The following NSRP1 variants were observed in gnomAD, a reference collection of about 807,000 sequenced individuals.
NSRP1 encodes coiled-coil domain containing 55.
Under a neutral mutation model 54.7 loss-of-function variants are expected in NSRP1, and 24 were observed. That is an observed-to-expected ratio of 0.44 (90% CI 0.32 to 0.62). The LOEUF (loss-of-function observed/expected upper bound fraction) is 0.62. Among genes scored for constraint, NSRP1 ranks in the 20% least tolerant of loss-of-function variants. NSRP1 has a pLI of 0.06. For missense variants in NSRP1, 596 were observed against 651.2 expected (o/e 0.92, Z 0.92); for synonymous variants, 210 against 213.8 (o/e 0.98, Z 0.15).
intron 2 of NSRP1, among the ~76,000 whole-genome samples, chr17:30,158,174 T>C (rs948311718): frequency 2.0e-5 from 3 of 152,108 alleles, no homozygotes; most frequent in Admixed American, 2.0e-4. Flanking sequence ...CCAGCTGGGG[T>C]AAGATATCTT....
At chr17:30,164,140 C>T (rs1333958731) in intron 2 of NSRP1, among the ~76,000 whole-genome samples, 1 of 152,056 alleles carries the variant, frequency 6.6e-6, no homozygotes, top group Non-Finnish European at 1.5e-5. Context: ...TAACTGGAAC[C>T]TACTAACTCT....
rs150930111 is a variant in NSRP1, at chr17:30,174,394, A to G, written c.171+1796A>G. On this transcript the variant is annotated intron_variant, in intron 3 of 6. Transcript: ENST00000247026. ...TTCAGCTCATCGAATGTCTTTATCC[A>G]TACGAATTGAAATTATTTTTCATTT... Among the ~76,000 whole-genome samples, 152 of 152,332 alleles carry G rather than the reference A, an allele frequency of 1.0e-3. 2 individuals carry two copies. The Middle Eastern group carries it at 0.01, about 10-fold the overall frequency.
intron 2 of NSRP1, among the ~76,000 whole-genome samples, chr17:30,171,298 A>ATTTTTTTTTTTTTTT (rs1904922698): frequency 7.2e-6 from 1 of 138,374 alleles, no homozygotes; most frequent in Admixed American, 7.7e-5. Context: ...TTATATTGTA[A>ATTTTTTTTTTTTTTT]TTGTCTTTTT....
intron 2 of NSRP1, 138 bp downstream of exon 2, chr17:30,118,311 G>A (rs2071562071): frequency 3.3e-6 from 2 of 597,022 alleles, no homozygotes; most frequent in Non-Finnish European, 5.6e-6. Context: ...AAAAAGGAAG[G>A]TGTAAAGAAA....
chr17:30,141,384 A>G (rs1323413528), intron 2 of NSRP1, among the ~76,000 whole-genome samples: 1 of 152,184 alleles, frequency 6.6e-6, no homozygotes, highest in Non-Finnish European at 1.5e-5. Flanking sequence ...TGTTTTTAAT[A>G]TAAAACGTTT....
intron 2 of NSRP1, among the ~76,000 whole-genome samples, chr17:30,129,403 A>G (rs965136901): frequency 1.1e-4 from 17 of 151,790 alleles, no homozygotes; most frequent in African/African-American, 3.6e-4. Context: ...GACGAATACA[A>G]GGAAGTGAGT....
chr17:30,137,746 T>C (rs2071762792), intron 2 of NSRP1, among the ~76,000 whole-genome samples: 1 of 152,244 alleles, frequency 6.6e-6, no homozygotes, highest in Admixed American at 6.5e-5. Flanking sequence ...TAGATTTTTT[T>C]CAAAAGTGAA....
chr17:30,174,638 C>CAGAT (rs1453375670), intron 3 of NSRP1, among the ~76,000 whole-genome samples: 1 of 152,070 alleles, frequency 6.6e-6, no homozygotes, highest in African/African-American at 2.4e-5. Flanking sequence ...ATATTTGTTG[C>CAGAT]TAATCTAAGG....
At chr17:30,137,257 A>G (rs534844478) in intron 2 of NSRP1, among the ~76,000 whole-genome samples, 1 of 152,328 alleles carries the variant, frequency 6.6e-6, no homozygotes, top group East Asian at 1.9e-4. Flanking sequence ...CTTATTTACA[A>G]CTATTCGGCA....
chr17:30,151,344 T>C, intron 2 of NSRP1, among the ~76,000 whole-genome samples: 1 of 152,284 alleles, frequency 6.6e-6, no homozygotes, highest in East Asian at 1.9e-4. Context: ...AACTTTTGAC[T>C]ACCCCAAAAC....
chr17:30,117,603 T>A (rs570681831), intron 1 of NSRP1: 170 of 358,976 alleles, frequency 4.7e-4, no homozygotes, highest in African/African-American at 3.4e-3. Flanking sequence ...TTTTAAAAAT[T>A]TTCGTGAGTT....
intron 2 of NSRP1, among the ~76,000 whole-genome samples, chr17:30,151,577 TAGCCGAGG>T (rs2071910578): frequency 6.6e-6 from 1 of 152,140 alleles, no homozygotes; most frequent in African/African-American, 2.4e-5. Context: ...CACATTGAGC[TAGCCGAGG>T]AGAAGGAGGG....
chr17:30,162,124 A>T (rs1008879730), intron 2 of NSRP1, among the ~76,000 whole-genome samples: 1 of 150,902 alleles, frequency 6.6e-6, no homozygotes, highest in Admixed American at 6.6e-5. Context: ...TCCCAGGTTC[A>T]GGTGATTCTC....
At chr17:30,132,660 A>G (rs2071711990) in intron 2 of NSRP1, among the ~76,000 whole-genome samples, 1 of 152,282 alleles carries the variant, frequency 6.6e-6, no homozygotes, top group African/African-American at 2.4e-5. Context: ...TGAGCAGTTC[A>G]GTCACATCTT....
At chr17:30,130,016 GA>G (rs772918521) in intron 2 of NSRP1, among the ~76,000 whole-genome samples, 3 of 152,294 alleles carry the variant, frequency 2.0e-5, no homozygotes, top group Middle Eastern at 3.4e-3. Context: ...GAGAGAAAAG[GA>G]AAAGGATGGA....
intron 2 of NSRP1, among the ~76,000 whole-genome samples, chr17:30,141,938 A>G (rs1248009365): frequency 6.6e-6 from 1 of 152,210 alleles, no homozygotes; most frequent in African/African-American, 2.4e-5. Context: ...CAGGAGGTGG[A>G]GGTTGCAGTG....
intron 2 of NSRP1, among the ~76,000 whole-genome samples, chr17:30,131,434 A>T (rs1460995991): frequency 6.6e-6 from 1 of 152,202 alleles, no homozygotes; most frequent in Non-Finnish European, 1.5e-5. Flanking sequence ...AGACCACTGC[A>T]ATAAAGTAAA....
rs1287567892 is a variant in NSRP1, at chr17:30,185,694, A to G, written c.*20A>G. On this transcript the variant is annotated 3_prime_UTR_variant, in exon 7 of 7. Coordinates refer to ENST00000247026, the MANE Select transcript of NSRP1 (RefSeq NM_032141.4). ...GATTGATGGCTACCCCAAGAGAAAG[A>G]TTTAAGGAAGCACAGAAAACTGTAA... The G allele has an allele frequency of 6.6e-7, 1 of 1,514,168 alleles. No individual in the cohort carries two copies. Among genetic ancestry groups the G allele is most frequent in the African/African-American group, 1.4e-5 (1 of 70,884 alleles). 93.8% of individuals were successfully genotyped at this position (1,514,168 alleles called of 1,614,324 possible).
chr17:30,131,273 T>G (rs1378860641), intron 2 of NSRP1, among the ~76,000 whole-genome samples: 1 of 151,908 alleles, frequency 6.6e-6, no homozygotes, highest in Non-Finnish European at 1.5e-5. Context: ...TTTCTCTGTC[T>G]TTTATTGTCC....
Sources: gnomAD v4.1 joint callset for allele counts (sites outside exome capture counted in the v4.1 genomes callset) on GRCh38, gnomAD v4.1.1 for gene constraint, MANE v1.5 for transcripts, NCBI Gene and HGNC (gene_info 2026-07-23, HGNC 2026-07-21) for gene names.